ANKRD12: variants seen among roughly 807,000 people sequenced by gnomAD.
ANKRD12 encodes ankyrin repeat domain 12.
ANKRD12 carries 85 observed loss-of-function variants against 183.4 expected under a neutral mutation model. That is an observed-to-expected ratio of 0.46 (90% CI 0.39 to 0.56). ANKRD12 has a LOEUF of 0.56. Among genes scored for constraint, ANKRD12 ranks in the 20% least tolerant of loss-of-function variants. ANKRD12 has a pLI of 0.00. For synonymous variants in ANKRD12, 914 were observed against 800.2 expected (o/e 1.14, Z -2.40); for missense variants, 2,405 against 2,357.1 (o/e 1.02, Z -0.42).
chr18:9,279,234 G>A (rs1388394601), intron 11 of ANKRD12, among the ~76,000 whole-genome samples: 1 of 152,090 alleles, frequency 6.6e-6, no homozygotes, highest in African/African-American at 2.4e-5. Flanking sequence ...ATCTGTAATT[G>A]GTTATACAGT....
In ANKRD12 at chr18:9,255,017, G is replaced by A; in HGVS notation, c.1750G>A (p.Asp584Asn). 1 of 1,604,316 alleles carries A rather than the reference G, an allele frequency of 6.2e-7. No homozygotes were observed. The highest frequency in any genetic ancestry group is 1.3e-5 in the African/African-American group (1 of 74,596). ...ATTACAGCCTGATCTTGTTCGGTAT[G>A]ATAATACAGAATCTGAATTCTTGCC... ...MSLQPDLVRY[D>N]NTESEFLPES... The change falls in exon 9 of 13, where the codon GAT (aspartate) becomes AAT (asparagine). Residue 584 changes from aspartate to asparagine, a missense_variant. Around this residue, in one of 7 missense-constraint regions of ANKRD12, gnomAD observed 1,983 missense variants for 1,725.9 expected, o/e 1.15. Transcript: ENST00000262126.
intron 6 of ANKRD12, 78 bp downstream of exon 6, chr18:9,211,862 T>G: frequency 8.2e-7 from 1 of 1,225,332 alleles, no homozygotes; most frequent in Non-Finnish European, 1.1e-6. Flanking sequence ...ATCTACATTC[T>G]TTTATTCATT....
intron 10 of ANKRD12, 27 bp downstream of exon 10, chr18:9,263,915 T>A (rs367783334): frequency 4.0e-5 from 54 of 1,346,810 alleles, no homozygotes; most frequent in Non-Finnish European, 5.2e-5. Flanking sequence ...TTTACACTTA[T>A]GCTAAAAATA....
chr18:9,192,580 T>C (rs1286866979), intron 2 of ANKRD12, among the ~76,000 whole-genome samples: 1 of 152,218 alleles, frequency 6.6e-6, no homozygotes, highest in African/African-American at 2.4e-5. Context: ...GCTCTGGTAT[T>C]TATAAGACAT....
chr18:9,254,259 T>C lies in ANKRD12; in HGVS notation c.992T>C (p.Ile331Thr). Residue 331 changes from isoleucine to threonine, a missense_variant, in exon 9 of 13, where the codon ATT becomes ACT. Transcript: ENST00000262126. Reference protein sequence around the residue: ...SVNPSSVDENIDSETEKDSLI... With the variant: ...SVNPSSVDENTDSETEKDSLI... ...AATCCTTCTAGTGTTGATGAAAATA[T>C]TGACTCTGAAACAGAGAAAGACTCT... is the stretch of plus-strand genomic sequence containing the variant. 6.3e-7 allele frequency: 1 copy of C among 1,599,660 alleles called. No homozygotes were observed. The highest frequency in any genetic ancestry group is 1.1e-5 in the South Asian group (1 of 87,630).
chr18:9,142,474 C>G (rs1283332845), intron 1 of ANKRD12, among the ~76,000 whole-genome samples: 1 of 152,210 alleles, frequency 6.6e-6, no homozygotes, highest in East Asian at 1.9e-4. Flanking sequence ...GAGAGACATG[C>G]ACTTCTATTT....
intron 8 of ANKRD12, among the ~76,000 whole-genome samples, chr18:9,250,936 A>G (rs2038255427): frequency 6.6e-6 from 1 of 152,166 alleles, no homozygotes; most frequent in South Asian, 2.1e-4. Flanking sequence ...TTTTTGAGGT[A>G]GTTGTAAGGA....
intron 10 of ANKRD12, among the ~76,000 whole-genome samples, chr18:9,264,705 G>A (rs943861785): frequency 3.9e-5 from 6 of 152,224 alleles, no homozygotes; most frequent in African/African-American, 1.4e-4. Context: ...CATTGACAAT[G>A]AGCAATTTGT....
At chr18:9,157,065 C>A (rs911373979) in intron 1 of ANKRD12, among the ~76,000 whole-genome samples, 2 of 152,182 alleles carry the variant, frequency 1.3e-5, no homozygotes, top group Non-Finnish European at 2.9e-5. Flanking sequence ...GATTGCATGA[C>A]AGTGTGGATG....
rs1295840570 is a variant in ANKRD12, at chr18:9,173,616, T to TGGG, written c.-51-8758_-51-8756dup. Among the ~76,000 whole-genome samples the TGGG allele has an allele frequency of 8.0e-3, 224 of 27,842 alleles. 2 individuals carry two copies. The highest frequency in any genetic ancestry group is 0.022 in the African/African-American group (202 of 9,058). 18.3% of individuals were successfully genotyped at this position (27,842 alleles called of 152,430 possible). ...TGGGAGCTCCATCCCGGTGGGGTGG[T>TGGG]GGGGGGGGGGTAGGGGGGGCAGTAC... On this transcript the variant is annotated intron_variant, in intron 1 of 12. Coordinates refer to ENST00000262126, the MANE Select transcript of ANKRD12 (RefSeq NM_015208.5).
chr18:9,227,261 GAT>G (rs1396395573), intron 8 of ANKRD12, among the ~76,000 whole-genome samples: 7 of 152,096 alleles, frequency 4.6e-5, no homozygotes, highest in Non-Finnish European at 8.8e-5. Flanking sequence ...CTGGGTTACA[GAT>G]ATATAGTGTT....
chr18:9,236,457 A>G (rs2037350952), intron 8 of ANKRD12, among the ~76,000 whole-genome samples: 1 of 152,222 alleles, frequency 6.6e-6, no homozygotes, highest in South Asian at 2.1e-4. Flanking sequence ...CAGCATAAAA[A>G]TACTTTTCTG....
At position 9,257,546 on chromosome 18, in the gene ANKRD12, G is replaced by C. The variant is rs993469447; in HGVS notation, c.4279G>C (p.Glu1427Gln). The C allele has an allele frequency of 6.2e-7, 1 of 1,614,108 alleles. No homozygotes were observed. ...ATGGGAGATGCCTGTTGATAGACTA[G>C]AGACATTAAGCACCAGAGACTTTAT... ...KSWEMPVDRLETLSTRDFICP... is the reference protein window; with the variant it reads ...KSWEMPVDRLQTLSTRDFICP... Residue 1427 changes from glutamate to glutamine, a missense_variant, in exon 9 of 13, where the codon GAG becomes CAG. Glu to Gln is a conservative substitution (Grantham distance 29). Transcript: ENST00000262126.
rs142685549 is a variant in ANKRD12, at chr18:9,263,989, G to A, written c.5763+101G>A. On this transcript the variant is annotated intron_variant, in intron 10 of 12. Transcript: ENST00000262126. ...TTTATTAGTGGATTTTTAAAATTTA[G>A]AACCATTTTGAGAAGTGATTTGGTT... 15 of 1,056,112 alleles carry A rather than the reference G, an allele frequency of 1.4e-5. No individual in the cohort carries two copies. The African/African-American group carries it at 2.5e-4, about 17-fold the overall frequency. The allele number at this position is 1,056,112 out of a possible 1,614,324, so 65.4% of individuals were successfully genotyped here. A position where few individuals can be genotyped will look rare whatever the true frequency, so the allele number is the denominator to read the frequency against.
At chr18:9,168,274 GAA>G (rs2032299198) in intron 1 of ANKRD12, among the ~76,000 whole-genome samples, 2 of 152,162 alleles carry the variant, frequency 1.3e-5, no homozygotes, top group African/African-American at 4.8e-5. Flanking sequence ...CTATTGATTG[GAA>G]TAATTTCAGA....
rs568833244 is a variant in ANKRD12, at chr18:9,182,979, T to C, written c.87+460T>C. On this transcript the variant is annotated intron_variant, in intron 2 of 12. Coordinates refer to ENST00000262126, the MANE Select transcript of ANKRD12 (RefSeq NM_015208.5). Reference sequence around the variant, plus strand: ...TTTTCTGTTTACTTTTTAAAGTCTTTTTAAAAGCCATTTTCTTACGGAAAG... The same window carrying C: ...TTTTCTGTTTACTTTTTAAAGTCTTCTTAAAAGCCATTTTCTTACGGAAAG... 1.4e-4 allele frequency among the ~76,000 whole-genome samples: 22 copies of C among 152,310 alleles called. No homozygotes were observed. The South Asian group carries it at 4.6e-3, about 32-fold the overall frequency.
intron 11 of ANKRD12, among the ~76,000 whole-genome samples, chr18:9,278,078 C>T (rs1420766599): frequency 6.6e-6 from 1 of 152,194 alleles, no homozygotes; most frequent in Non-Finnish European, 1.5e-5. Context: ...ACCTGTCTGA[C>T]ATGGGGGAAG....
In ANKRD12 at chr18:9,263,816, T is replaced by A. The variant is rs775949607; in HGVS notation, c.5691T>A (p.Asp1897Glu). 5 of 1,571,450 alleles carry A rather than the reference T, an allele frequency of 3.2e-6. No homozygotes were observed. The highest frequency in any genetic ancestry group is 1.7e-5 in the Admixed American group (1 of 57,364). ...PTITPPPSLS[D>E]PLKELFRQQE... ...TTACACCACCACCTTCACTGTCAGA[T>A]CCACTTAAAGAGCTTTTTCGACAAC... Residue 1897 changes from aspartate (D) to glutamate (E), a missense_variant, in exon 10 of 13, where the codon GAT (aspartate) becomes GAA (glutamate). This residue lies in a region of ANKRD12 where 162 missense variants were observed against 272.2 expected (regional missense o/e 0.60). Transcript: ENST00000262126.
At chr18:9,247,476 C>CT (rs1331342061) in intron 8 of ANKRD12, among the ~76,000 whole-genome samples, 2 of 151,970 alleles carry the variant, frequency 1.3e-5, no homozygotes, top group African/African-American at 4.8e-5. Context: ...GAGACCCTAT[C>CT]TAAAAAAAAA....
Sources: allele counts gnomAD v4.1 joint callset (sites outside exome capture counted in the v4.1 genomes callset), GRCh38; gene constraint gnomAD v4.1.1; regional missense constraint gnomAD v4.1.1; transcripts MANE v1.5; gene names NCBI Gene and HGNC (gene_info 2026-07-23, HGNC 2026-07-21).